The following FAR2 variants were observed in gnomAD, a reference collection of about 807,000 sequenced individuals.
FAR2 encodes the protein epididymis secretory protein Li 81.
In FAR2, 19 loss-of-function variants were observed where a neutral mutation model predicts 56.0. That is an observed-to-expected ratio of 0.34 (90% confidence interval 0.24 to 0.50). The LOEUF is 0.50. Ranked by LOEUF, FAR2 falls within the 20% of genes least tolerant of loss-of-function variation. FAR2 has a pLI of 0.98. For synonymous variants in FAR2, 219 were observed against 218.8 expected, an observed-to-expected ratio of 1.00 and a Z score of -0.01; for missense variants, 508 against 642.2, an observed-to-expected ratio of 0.79 and a Z score of 2.26.
chr12:29,181,530 A>G (rs1232162799), intron 1 of FAR2, among the ~76,000 whole-genome samples: 1 of 151,860 alleles, frequency 6.6e-6, no homozygotes, highest in Non-Finnish European at 1.5e-5. Context: ...CCTCCACTCC[A>G]CTCTCACCAC....
intron 3 of FAR2, among the ~76,000 whole-genome samples, chr12:29,294,195 G>T (rs1217950058): frequency 6.6e-6 from 1 of 152,066 alleles, no homozygotes; most frequent in Non-Finnish European, 1.5e-5. Context: ...GTTCTGATTT[G>T]TATTTCTTTG....
intron 2 of FAR2, chr12:29,281,276 G>A (rs901376890): frequency 3.3e-5 from 5 of 152,208 alleles, no homozygotes; most frequent in African/African-American, 1.2e-4. Context: ...AAAAAGAGAA[G>A]ACAGGCAGGC....
chr12:29,270,901 C>T (rs770729693), intron 2 of FAR2, among the ~76,000 whole-genome samples: 1 of 152,190 alleles, frequency 6.6e-6, no homozygotes, highest in South Asian at 2.1e-4. Context: ...ACTCAAACTC[C>T]CTGAGTGGAT....
intron 2 of FAR2, among the ~76,000 whole-genome samples, chr12:29,279,031 A>G (rs1195533241): frequency 6.6e-6 from 1 of 152,250 alleles, no homozygotes; most frequent in Non-Finnish European, 1.5e-5. Flanking sequence ...TATATTTTAC[A>G]TTAACAAAAC....
intron 1 of FAR2, among the ~76,000 whole-genome samples, chr12:29,260,690 A>C (rs1948403326): frequency 6.6e-6 from 1 of 152,076 alleles, no homozygotes; most frequent in Non-Finnish European, 1.5e-5. Flanking sequence ...GCATCAAGTT[A>C]AATTCTTAAG....
At chr12:29,311,665 T>TACACACACACACAC (rs1555123656) in intron 7 of FAR2, among the ~76,000 whole-genome samples, 2 of 69,766 alleles carry the variant, frequency 2.9e-5, no homozygotes, top group African/African-American at 1.9e-4. Context: ...TAACATCTCT[T>TACACACACACACAC]TCACACACAC....
chr12:29,267,166 A>G (rs1948531134), intron 1 of FAR2, among the ~76,000 whole-genome samples: 1 of 152,196 alleles, frequency 6.6e-6, no homozygotes, highest in Non-Finnish European at 1.5e-5. Flanking sequence ...TTGAGTGTTA[A>G]ATTGTCTCCT....
At chr12:29,171,038 G>A (rs750225148) in intron 1 of FAR2, among the ~76,000 whole-genome samples, 13 of 152,240 alleles carry the variant, frequency 8.5e-5, no homozygotes, top group Non-Finnish European at 1.9e-4. Flanking sequence ...TATCTGTAGC[G>A]AAGTCTCCCA....
chr12:29,150,716 T>G (rs973766303), intron 1 of FAR2, among the ~76,000 whole-genome samples: 1 of 152,206 alleles, frequency 6.6e-6, no homozygotes, highest in African/African-American at 2.4e-5. Context: ...GGCCGACGCG[T>G]GTGTCAATAT....
intron 3 of FAR2, among the ~76,000 whole-genome samples, chr12:29,294,822 G>A (rs926038551): frequency 6.6e-6 from 1 of 151,818 alleles, no homozygotes. Flanking sequence ...AGAGGAGTAC[G>A]GGCCAATTCT....
intron 3 of FAR2, 92 bp downstream of exon 3, chr12:29,293,567 A>G (rs1230067445): frequency 1.7e-6 from 2 of 1,191,190 alleles, no homozygotes; most frequent in East Asian, 2.8e-5. Flanking sequence ...ATACACTCTA[A>G]ACAAAAAAGA....
intron 1 of FAR2, among the ~76,000 whole-genome samples, chr12:29,180,805 T>A (rs1949985220): frequency 6.6e-6 from 1 of 152,060 alleles, no homozygotes; most frequent in African/African-American, 2.4e-5. Flanking sequence ...TGACTTCCAT[T>A]CATACTCACA....
At chr12:29,184,422 CTTTTTTTTTTTTTTTT>C (rs71042961) in intron 1 of FAR2, among the ~76,000 whole-genome samples, 4 of 59,682 alleles carry the variant, frequency 6.7e-5, no homozygotes, top group South Asian at 7.9e-4. Flanking sequence ...AATCTAGCAT[CTTTTTTTTTTTTTTTT>C]TTTTTTTTTT....
At chr12:29,196,591 C>T (rs577796156) in intron 1 of FAR2, among the ~76,000 whole-genome samples, 54 of 152,116 alleles carry the variant, frequency 3.5e-4, no homozygotes, top group South Asian at 8.3e-4. Context: ...ACTCCTATTT[C>T]TCACCATATA....
intron 1 of FAR2, among the ~76,000 whole-genome samples, chr12:29,204,134 A>C (rs1293194593): frequency 6.6e-6 from 1 of 152,100 alleles, no homozygotes; most frequent in Non-Finnish European, 1.5e-5. Context: ...ACTTGCAGCA[A>C]CTTTTTTCTG....
chr12:29,314,499 T>C (rs1250562064), intron 8 of FAR2, among the ~76,000 whole-genome samples: 2 of 151,310 alleles, frequency 1.3e-5, no homozygotes, highest in African/African-American at 4.9e-5. Flanking sequence ...CTTGGGAGGA[T>C]TTAATGAGAT....
chr12:29,333,987 G>T lies in FAR2; in HGVS notation c.*193G>T. The T allele has an allele frequency of 2.1e-6, 1 of 474,076 alleles. No homozygotes were observed. The highest frequency in any genetic ancestry group is 4.0e-5 in the Admixed American group (1 of 24,900). The allele number at this position is 474,076 out of a possible 1,614,324, so 29.4% of individuals were successfully genotyped here. ...AAGGAAAGTTGTAAACTAGCCCATA[G>T]TCACCTATATTTTAGGGAAAAAAAT... On this transcript the variant is annotated 3_prime_UTR_variant, in exon 12 of 12. Coordinates refer to ENST00000536681, the MANE Select transcript of FAR2 (RefSeq NM_001271783.2).
intron 1 of FAR2, among the ~76,000 whole-genome samples, chr12:29,229,076 A>G (rs760590727): frequency 3.3e-5 from 5 of 152,162 alleles, no homozygotes; most frequent in Non-Finnish European, 7.3e-5. Flanking sequence ...GAAAGAGTGT[A>G]TTCTAAAGCC....
intron 1 of FAR2, among the ~76,000 whole-genome samples, chr12:29,222,135 C>T (rs921964225): frequency 2.6e-5 from 4 of 152,170 alleles, no homozygotes; most frequent in African/African-American, 9.7e-5. Flanking sequence ...AGGCATGAGC[C>T]ACTGTGCCTG....
Sources: allele counts gnomAD v4.1 joint callset (sites outside exome capture counted in the v4.1 genomes callset), GRCh38; gene constraint gnomAD v4.1.1; transcripts MANE v1.5; gene names NCBI Gene and HGNC (gene_info 2026-07-23, HGNC 2026-07-21).